The following KCNC4 variants were observed in gnomAD, a reference collection of about 807,000 sequenced individuals.
KCNC4 encodes potassium voltage-gated channel subfamily C member 4, also known as voltage-gated potassium channel KCNC4.
KCNC4 carries 23 observed loss-of-function variants against 42.8 expected under a neutral mutation model. The ratio of observed to expected loss-of-function variants is 0.54; its 90% confidence interval spans 0.39 to 0.76. KCNC4 has a LOEUF of 0.76. Among genes scored for constraint, KCNC4 ranks in the 30% least tolerant of loss-of-function variants. KCNC4 has a pLI of 0.00. For missense variants in KCNC4, 751 were observed against 898.2 expected, an observed-to-expected ratio of 0.84 and a Z score of 2.10; for synonymous variants, 422 against 393.5, an observed-to-expected ratio of 1.07 and a Z score of -0.86.
In KCNC4 at chr1:110,279,944, C is replaced by T. The variant is rs148490347; in HGVS notation, n.31-2590C>T. ...CTCCCCGAGTAGGCACCCGCCACTA[C>T]GCTCAGTTAATTTTTTGTATTTTTA... On this transcript the variant is annotated intron_variant and non_coding_transcript_variant, in intron 1 of 2. Coordinates refer to the KCNC4 transcript ENST00000412512. 7.6e-3 allele frequency among the ~76,000 whole-genome samples: 1,156 copies of T among 151,832 alleles called. 20 individuals are homozygous for T. Among genetic ancestry groups the T allele is most frequent in the African/African-American group, 0.026 (1,088 of 41,366 alleles).
chr1:110,270,339 T>C lies in KCNC4; in HGVS notation n.31-12195T>C, dbSNP rs112423075. ...TACCAAGTTATGGTCAGCAGATCCC[T>C]CAGGGAACAAGCTACTGGAAAGATT... is the stretch of plus-strand genomic sequence containing the variant. On this transcript the variant is annotated intron_variant and non_coding_transcript_variant, in intron 1 of 2. Coordinates refer to the KCNC4 transcript ENST00000412512. Among the ~76,000 whole-genome samples, 1,449 of 152,292 alleles carry C rather than the reference T, an allele frequency of 9.5e-3. 19 individuals are homozygous for C. The highest frequency in any genetic ancestry group is 0.034 in the African/African-American group (1,394 of 41,544).
chr1:110,280,215 A>G (rs749996648), intron 1 of KCNC4, among the ~76,000 whole-genome samples: 5 of 152,176 alleles, frequency 3.3e-5, no homozygotes, highest in Non-Finnish European at 7.3e-5. Context: ...GGTTAATTAC[A>G]TGCCTATGAT....
At position 110,210,694 on chromosome 1, in the gene KCNC4, C is replaced by T. The variant is rs1424914037; in HGVS notation, c.-806C>T. 6.6e-6 allele frequency among the ~76,000 whole-genome samples: 1 copy of T among 151,290 alleles called. No homozygotes were observed. Among genetic ancestry groups the T allele is most frequent in the Admixed American group, 6.6e-5 (1 of 15,192 alleles). On this transcript the variant is annotated 5_prime_UTR_variant, in exon 1 of 4. Coordinates refer to ENST00000438661, the MANE Select transcript of KCNC4 (RefSeq NM_001039574.3). ...CAGGACGCCCCGTCTGAGGCACCCC[C>T]GCCCCAGCGCGGCCCCCGCAGCGCT...
chr1:110,222,913 C>G (rs611587), intron 1 of KCNC4, 51 bp from the exon 2 acceptor site: 772,900 of 1,395,306 alleles, frequency 0.55, 221,160 homozygotes, highest in Non-Finnish European at 0.6. Flanking sequence ...CCAGCTGGGC[C>G]CATCCATCCC....
intron 1 of KCNC4, among the ~76,000 whole-genome samples, chr1:110,269,243 G>A (rs1333800545): frequency 6.6e-6 from 1 of 152,016 alleles, no homozygotes; most frequent in Admixed American, 6.5e-5. Context: ...TGACAGACAC[G>A]TCAGTTGAGT....
chr1:110,223,824 T>C lies in KCNC4; in HGVS notation c.1539T>C (p.Thr513=), dbSNP rs200706008. Residue 513 remains threonine (T), a synonymous_variant, in exon 2 of 4, where the codon ACT becomes ACC. Coordinates refer to ENST00000438661, the MANE Select transcript of KCNC4 (RefSeq NM_001039574.3). This position sits in a 1 kb window ranked among gnomAD's most constrained non-coding sequence, Gnocchi z 7.5. ...ESPMYCKSEE[T]SPRDSTCSDT... ...CCATGTACTGCAAGTCTGAGGAGAC[T>C]TCCCCCCGGGACAGCACCTGCAGTG... 3.1e-6 allele frequency: 5 copies of C among 1,613,500 alleles called. No individual in the cohort carries two copies. The Admixed American group carries it at 6.7e-5, about 22-fold the overall frequency.
At chr1:110,234,284 A>T (rs1413337006), downstream of KCNC4, 1 of 152,154 alleles carries the variant, frequency 6.6e-6, no homozygotes, top group Non-Finnish European at 1.5e-5. Context: ...GTGTTCTAAT[A>T]TCCACTGCTG....
At chr1:110,229,003 G>A (rs1658556909) in intron 3 of KCNC4, 1 of 152,242 alleles carries the variant, frequency 6.6e-6, no homozygotes, top group Admixed American at 6.5e-5. Context: ...GTCCCACCAG[G>A]GCCAGTCTCA....
intron 1 of KCNC4, among the ~76,000 whole-genome samples, chr1:110,263,822 GA>G (rs1659493846): frequency 7.8e-6 from 1 of 128,760 alleles, no homozygotes; most frequent in African/African-American, 3.6e-5. Context: ...AGCTTTCAGT[GA>G]GGGGGGGGAG....
intron 1 of KCNC4, among the ~76,000 whole-genome samples, chr1:110,281,279 T>C (rs947694743): frequency 1.3e-5 from 2 of 151,860 alleles, no homozygotes; most frequent in African/African-American, 4.8e-5. Context: ...CAGGATATGG[T>C]TAATGAGCTG....
At position 110,232,848 on chromosome 1, in the gene KCNC4, G is replaced by A. The variant is rs370593032; in HGVS notation, c.1820-63G>A. The A allele has an allele frequency of 2.8e-4, 433 of 1,561,068 alleles. 1 individual carries two copies. The highest frequency in any genetic ancestry group is 2.7e-3 in the Middle Eastern group (16 of 5,928). The stretch of plus-strand genomic sequence containing the variant: ...TGAACTCCCTGTCCCCCCAACCCCA[G>A]AAGGCAATGTTGAGCCGAAAGCGTG... On this transcript the variant is annotated intron_variant, in intron 3 of 3. Coordinates refer to ENST00000438661, the MANE Select transcript of KCNC4 (RefSeq NM_001039574.3).
chr1:110,279,792 ATTTT>A (rs746438498), intron 1 of KCNC4, among the ~76,000 whole-genome samples: 1 of 98,562 alleles, frequency 1.0e-5, no homozygotes, highest in Non-Finnish European at 1.9e-5. Context: ...GGCTTTAGGA[ATTTT>A]TTTTTTTTTT....
At position 110,211,272 on chromosome 1, in the gene KCNC4, C is replaced by T; in HGVS notation, c.-228C>T. 1 of 596,998 alleles carries T rather than the reference C, an allele frequency of 1.7e-6. No individual in the cohort carries two copies. Among genetic ancestry groups the T allele is most frequent in the Non-Finnish European group, 2.9e-6 (1 of 349,436 alleles). 37.0% of individuals were successfully genotyped at this position (596,998 alleles called of 1,614,324 possible). A position where few individuals can be genotyped will look rare whatever the true frequency, so the allele number is the denominator to read the frequency against. ...CCTCCCTCTCTGCGCCTCCCTCTCT[C>T]CGGAGCTTCCTGCCCTAACCCCAAC... On this transcript the variant is annotated 5_prime_UTR_variant, in exon 1 of 4. Coordinates refer to ENST00000438661, the MANE Select transcript of KCNC4 (RefSeq NM_001039574.3). The surrounding 1 kb of genome is among the most constrained non-coding windows in gnomAD (Gnocchi z 6.5).
At chr1:110,261,680 AG>A (rs1303492961) in intron 1 of KCNC4, among the ~76,000 whole-genome samples, 1 of 152,230 alleles carries the variant, frequency 6.6e-6, no homozygotes, top group African/African-American at 2.4e-5. Context: ...GCAGCAAAGA[AG>A]TTAAAGCCAT....
Position 110,225,976 on chromosome 1 carries a change from C to A in KCNC4, c.1617C>A (p.Asp539Glu). The A allele has an allele frequency of 6.3e-7, 1 of 1,588,788 alleles. No homozygotes were observed. The highest frequency in any genetic ancestry group is 8.6e-7 in the Non-Finnish European group (1 of 1,164,310). Residue 539 changes from aspartate (D) to glutamate (E), a missense_variant and splice_region_variant, in exon 3 of 4, where the codon GAC becomes GAA. By Grantham distance (45) the Asp-to-Glu change is conservative. Coordinates refer to ENST00000438661, the MANE Select transcript of KCNC4 (RefSeq NM_001039574.3). ...EEGMIERKRA[D>E]SKQNGDANAV... ...CTCCTTTCTGTGTGCCCCCTTCAGA[C>A]TCTAAGCAGAATGGCGATGCCAACG... is the stretch of plus-strand genomic sequence containing the variant.
intron 1 of KCNC4, chr1:110,221,300 A>T (rs1465279172): frequency 6.6e-6 from 1 of 152,248 alleles, no homozygotes; most frequent in Non-Finnish European, 1.5e-5. Context: ...GTGTGACCTT[A>T]AGCAAGTATG....
At position 110,223,016 on chromosome 1, in the gene KCNC4, G is replaced by A. The variant is rs1280581677; in HGVS notation, c.731G>A (p.Cys244Tyr). Residue 244 changes from cysteine to tyrosine, a missense_variant, in exon 2 of 4, where the codon TGC (cysteine) becomes TAC (tyrosine). This residue lies in a region of KCNC4 where 181 missense variants were observed against 167.3 expected (regional missense o/e 1.08). Transcript: ENST00000438661. The surrounding 1 kb of genome is among the most constrained non-coding windows in gnomAD (Gnocchi z 7.5). The part of the protein sequence containing the change: ...FFILVSITTF[C>Y]LETHEAFNID... ...ATCCTGGTCTCCATCACCACTTTCTGCCTGGAGACCCATGAGGCCTTTAAT... is the reference window on the plus strand; with the variant it reads ...ATCCTGGTCTCCATCACCACTTTCTACCTGGAGACCCATGAGGCCTTTAAT... 1 of 1,614,090 alleles carries A rather than the reference G, an allele frequency of 6.2e-7. No homozygotes were observed. Among genetic ancestry groups the A allele is most frequent in the Non-Finnish European group, 8.5e-7 (1 of 1,180,042 alleles).
exon 4 of KCNC4, chr1:110,248,571 G>T (rs79613082): frequency 2.6e-5 from 4 of 151,830 alleles, no homozygotes; most frequent in Non-Finnish European, 5.9e-5. Flanking sequence ...TTATTTTGGC[G>T]TGCCTTTTAA....
rs775766459 is a variant in KCNC4, at chr1:110,223,989, G to A, written c.1615+89G>A. On this transcript the variant is annotated intron_variant, in intron 2 of 3. Transcript: ENST00000438661. This position sits in a 1 kb window ranked among gnomAD's most constrained non-coding sequence, Gnocchi z 7.5. ...GACCTCAGACCTTGGGATTTGGCAT[G>A]TGTTTTGTGTGGGGCTTCCCTAAGC... is the stretch of plus-strand genomic sequence containing the variant. 5.7e-6 allele frequency: 6 copies of A among 1,044,600 alleles called. No individual in the cohort carries two copies. Among genetic ancestry groups the A allele is most frequent in the Non-Finnish European group, 6.9e-6 (5 of 721,426 alleles). 64.7% of individuals were successfully genotyped at this position (1,044,600 alleles called of 1,614,324 possible). A position where few individuals can be genotyped will look rare whatever the true frequency, so the allele number is the denominator to read the frequency against.
Sources: allele counts gnomAD v4.1 joint callset (sites outside exome capture counted in the v4.1 genomes callset), GRCh38; gene constraint gnomAD v4.1.1; regional missense constraint gnomAD v4.1.1; non-coding constraint Gnocchi (gnomAD v3.1); transcripts MANE v1.5; gene names NCBI Gene and HGNC (gene_info 2026-07-23, HGNC 2026-07-21).